XYLT1: variants seen among roughly 807,000 people sequenced by gnomAD.
The protein encoded by XYLT1 is xylosyltransferase 1.
In XYLT1, 36 loss-of-function variants were observed where a neutral mutation model predicts 91.3. That is an observed-to-expected ratio of 0.39 (90% CI 0.30 to 0.52). The LOEUF is 0.52. Among genes scored for constraint, XYLT1 ranks in the 20% least tolerant of loss-of-function variants. The probability of loss-of-function intolerance (pLI) is 0.68; values close to 1 mark genes in which losing one functional copy is unlikely to be tolerated. For missense variants in XYLT1, 1,242 were observed against 1,284.5 expected, an observed-to-expected ratio of 0.97 and a Z score of 0.51; for synonymous variants, 588 against 532.0, an observed-to-expected ratio of 1.11 and a Z score of -1.45.
intron 1 of XYLT1, among the ~76,000 whole-genome samples, chr16:17,384,172 G>C (rs2035718812): frequency 6.6e-6 from 1 of 151,836 alleles, no homozygotes; most frequent in African/African-American, 2.4e-5. Flanking sequence ...TAAAACACTT[G>C]GCATAGAACC....
intron 2 of XYLT1, among the ~76,000 whole-genome samples, chr16:17,296,476 T>C (rs1264871701): frequency 6.6e-6 from 1 of 152,154 alleles, no homozygotes. Flanking sequence ...TCCCTGTTCC[T>C]GCCTCTCTGT....
Position 17,198,194 on chromosome 16 carries a change from G to A in XYLT1, c.1289+18C>T. ...AGGACGTCAGACAAGACTGGCTTGGGGCCCTTGGCTGCCTTACCTGATGGG... is the reference window on the plus strand; with the variant it reads ...AGGACGTCAGACAAGACTGGCTTGGAGCCCTTGGCTGCCTTACCTGATGGG... On this transcript the variant is annotated intron_variant, in intron 5 of 11. Transcript: ENST00000261381. The A allele has an allele frequency of 6.2e-7, 1 of 1,613,798 alleles. No homozygotes were observed. The highest frequency in any genetic ancestry group is 8.5e-7 in the Non-Finnish European group (1 of 1,179,900).
rs1237725414 is a variant in XYLT1, at chr16:17,400,617, GAGGGAGGAAGGGAGGAAGGA to G, written c.364-42587_364-42568del. Among the ~76,000 whole-genome samples the G allele has an allele frequency of 3.0e-3, 368 of 122,076 alleles. 4 individuals are homozygous for G. Among genetic ancestry groups the G allele is most frequent in the Admixed American group, 4.7e-3 (55 of 11,608 alleles). 80.1% of individuals were successfully genotyped at this position (122,076 alleles called of 152,430 possible). A position where few individuals can be genotyped will look rare whatever the true frequency, so the allele number is the denominator to read the frequency against. On this transcript the variant is annotated intron_variant, in intron 1 of 11. Transcript: ENST00000261381. ...AAAAAAAGAAAGAGAGGGAGGGAGG[GAGGGAGGAAGGGAGGAAGGA>G]AGGAAGGAAGGAAGGAAGGAAGGAA...
At chr16:17,223,082 CTG>C (rs2033000648) in intron 3 of XYLT1, among the ~76,000 whole-genome samples, 2 of 152,040 alleles carry the variant, frequency 1.3e-5, no homozygotes, top group Non-Finnish European at 2.9e-5. Context: ...GTGCCTCTCT[CTG>C]TCTCTTTCGT....
intron 1 of XYLT1, among the ~76,000 whole-genome samples, chr16:17,419,300 C>T (rs116001588): frequency 0.02 from 3,023 of 152,104 alleles, 86 homozygotes; most frequent in African/African-American, 0.068. Context: ...CAGGATGGTA[C>T]CACTGCGCTC....
chr16:17,455,926 C>T (rs888294839), intron 1 of XYLT1, among the ~76,000 whole-genome samples: 2 of 152,158 alleles, frequency 1.3e-5, no homozygotes, highest in African/African-American at 2.4e-5. Flanking sequence ...CCAGAGAATA[C>T]GCAATTAATT....
chr16:17,213,031 T>C (rs1338588870), intron 3 of XYLT1, among the ~76,000 whole-genome samples: 1 of 152,216 alleles, frequency 6.6e-6, no homozygotes, highest in Non-Finnish European at 1.5e-5. Context: ...GGTTTGGATC[T>C]GTGTCCCCAA....
At chr16:17,187,304 G>C (rs2032204839) in intron 5 of XYLT1, among the ~76,000 whole-genome samples, 1 of 145,830 alleles carries the variant, frequency 6.9e-6, no homozygotes, top group Non-Finnish European at 1.5e-5. Flanking sequence ...TGAAGCAGGA[G>C]ATTCCCTTGA....
At chr16:17,375,462 T>C (rs967663023) in intron 1 of XYLT1, among the ~76,000 whole-genome samples, 1 of 100,250 alleles carries the variant, frequency 1.0e-5, no homozygotes, top group African/African-American at 4.0e-5. Context: ...AGCTGTTTCT[T>C]GTTCAAGATA....
intron 3 of XYLT1, among the ~76,000 whole-genome samples, chr16:17,223,012 T>G (rs1476073020): frequency 2.1e-5 from 3 of 145,756 alleles, no homozygotes; most frequent in Non-Finnish European, 4.5e-5. Context: ...TGCTTCAGGG[T>G]CAGTGTGAGG....
At chr16:17,443,654 A>C (rs1196467378) in intron 1 of XYLT1, among the ~76,000 whole-genome samples, 2 of 152,240 alleles carry the variant, frequency 1.3e-5, no homozygotes, top group Non-Finnish European at 2.9e-5. Context: ...GGACTAATAC[A>C]GCATATATTA....
chr16:17,386,665 G>A (rs2035751355), intron 1 of XYLT1, among the ~76,000 whole-genome samples: 1 of 152,178 alleles, frequency 6.6e-6, no homozygotes, highest in Admixed American at 6.5e-5. Context: ...TTGCATCCAA[G>A]AAGATATGCC....
intron 2 of XYLT1, among the ~76,000 whole-genome samples, chr16:17,348,112 C>T (rs945302519): frequency 6.6e-6 from 1 of 152,138 alleles, no homozygotes; most frequent in African/African-American, 2.4e-5. Context: ...CCTCTGGAGG[C>T]CCAGAGAAGA....
At chr16:17,311,246 G>A (rs909592085) in intron 2 of XYLT1, among the ~76,000 whole-genome samples, 1 of 152,176 alleles carries the variant, frequency 6.6e-6, no homozygotes, top group Non-Finnish European at 1.5e-5. Flanking sequence ...TCAGGAGCTG[G>A]TTAGAAATGC....
At chr16:17,379,753 TCTCTCTCTCTCACACA>T (rs2035649245) in intron 1 of XYLT1, among the ~76,000 whole-genome samples, 1 of 128,718 alleles carries the variant, frequency 7.8e-6, no homozygotes, top group Non-Finnish European at 1.7e-5. Context: ...TCTCTCTCTC[TCTCTCTCTCTCACACA>T]CACACACACA....
At chr16:17,156,743 G>A (rs1002497335) in intron 6 of XYLT1, among the ~76,000 whole-genome samples, 5 of 152,190 alleles carry the variant, frequency 3.3e-5, no homozygotes, top group Admixed American at 3.3e-4. Context: ...CCAGGCCTCT[G>A]TACTCTTAGT....
intron 2 of XYLT1, among the ~76,000 whole-genome samples, chr16:17,316,184 T>C (rs1483475741): frequency 2.0e-5 from 3 of 152,164 alleles, no homozygotes; most frequent in Admixed American, 2.0e-4. Context: ...CACAGGAAAT[T>C]AAGCTTATTG....
chr16:17,143,790 CCAT>C (rs147512168), intron 6 of XYLT1, among the ~76,000 whole-genome samples: 231 of 80,482 alleles, frequency 2.9e-3, no homozygotes, highest in African/African-American at 8.7e-3. Context: ...GTCATCATCA[CCAT>C]CATCATCACA....
intron 1 of XYLT1, among the ~76,000 whole-genome samples, chr16:17,370,786 T>C (rs1004208327): frequency 6.6e-6 from 1 of 152,178 alleles, no homozygotes; most frequent in Middle Eastern, 3.2e-3. Flanking sequence ...AACTGCAAAG[T>C]TCTGGCATTT....
Sources: gnomAD v4.1 joint callset for allele counts (sites outside exome capture counted in the v4.1 genomes callset) on GRCh38, gnomAD v4.1.1 for gene constraint, MANE v1.5 for transcripts, NCBI Gene and HGNC (gene_info 2026-07-23, HGNC 2026-07-21) for gene names.